The following RASGRF2 variants were observed in gnomAD, a reference collection of about 807,000 sequenced individuals.
RASGRF2 encodes the protein Ras protein specific guanine nucleotide releasing factor 2.
In RASGRF2, 76 loss-of-function variants were observed where a neutral mutation model predicts 151.0. That is an observed-to-expected ratio of 0.50 (90% CI 0.42 to 0.61). RASGRF2 has a LOEUF of 0.61. Among genes scored for constraint, RASGRF2 ranks in the 20% least tolerant of loss-of-function variants. RASGRF2 has a pLI of 0.00. For synonymous variants in RASGRF2, 504 were observed against 566.5 expected, an observed-to-expected ratio of 0.89 and a Z score of 1.57; for missense variants, 1,148 against 1,564.6, an observed-to-expected ratio of 0.73 and a Z score of 4.49.
chr5:81,151,639 A>G (rs6875604), intron 17 of RASGRF2, among the ~76,000 whole-genome samples: 2,637 of 152,206 alleles, frequency 0.017, 94 homozygotes, highest in African/African-American at 0.059. Flanking sequence ...GCTTTATTTC[A>G]CTGACTGTGG....
At chr5:81,056,642 G>A (rs1751223570) in intron 2 of RASGRF2, among the ~76,000 whole-genome samples, 1 of 152,166 alleles carries the variant, frequency 6.6e-6, no homozygotes, top group African/African-American at 2.4e-5. Flanking sequence ...TGTCTATTAG[G>A]TCTGCTTGGT....
intron 18 of RASGRF2, among the ~76,000 whole-genome samples, chr5:81,186,785 T>A (rs1395360079): frequency 6.6e-6 from 1 of 152,176 alleles, no homozygotes; most frequent in African/African-American, 2.4e-5. Flanking sequence ...TCCTCATGTG[T>A]CTTTGTAGCA....
chr5:81,011,260 G>T (rs1749449662), intron 1 of RASGRF2, among the ~76,000 whole-genome samples: 1 of 151,364 alleles, frequency 6.6e-6, no homozygotes. Flanking sequence ...TATTTATGTT[G>T]GTACATGTAG....
At chr5:81,005,999 A>C (rs1057060680) in intron 1 of RASGRF2, among the ~76,000 whole-genome samples, 1 of 152,234 alleles carries the variant, frequency 6.6e-6, no homozygotes, top group Non-Finnish European at 1.5e-5. Context: ...TTCCAAGTTC[A>C]AATGTTCCAA....
intron 1 of RASGRF2, among the ~76,000 whole-genome samples, chr5:80,966,917 A>G (rs1211210306): frequency 1.3e-5 from 2 of 152,224 alleles, no homozygotes; most frequent in Admixed American, 6.6e-5. Context: ...TAACTAATAT[A>G]CTACAGTGTT....
At chr5:81,070,318 C>T in intron 3 of RASGRF2, 174 bp from the exon 4 acceptor site, 2 of 573,530 alleles carry the variant, frequency 3.5e-6, no homozygotes, top group Non-Finnish European at 6.4e-6. Flanking sequence ...TGATACCATG[C>T]TTGGGGTAAA....
At chr5:81,024,410 C>T (rs1749943827) in intron 1 of RASGRF2, among the ~76,000 whole-genome samples, 1 of 151,688 alleles carries the variant, frequency 6.6e-6, no homozygotes, top group Non-Finnish European at 1.5e-5. Flanking sequence ...CAGCCACCCA[C>T]CACCACGCCA....
At chr5:81,081,677 C>T (rs1417185445) in intron 7 of RASGRF2, among the ~76,000 whole-genome samples, 2 of 152,192 alleles carry the variant, frequency 1.3e-5, no homozygotes, top group East Asian at 3.9e-4. Flanking sequence ...TCCTCCTGCG[C>T]AGGCATCTCT....
At chr5:81,043,023 G>T (rs1750726449) in intron 2 of RASGRF2, 40 bp downstream of exon 2, 1 of 1,485,180 alleles carries the variant, frequency 6.7e-7, no homozygotes, top group African/African-American at 1.4e-5. Context: ...TGATTGTCTG[G>T]GTCCTGCATT....
At chr5:81,119,284 A>T (rs1048609708) in intron 15 of RASGRF2, among the ~76,000 whole-genome samples, 1 of 152,250 alleles carries the variant, frequency 6.6e-6, no homozygotes. Context: ...ACAGAAATGT[A>T]TCTCTCACAG....
chr5:80,966,760 G>A (rs1297788213), intron 1 of RASGRF2, among the ~76,000 whole-genome samples: 1 of 152,048 alleles, frequency 6.6e-6, no homozygotes, highest in Non-Finnish European at 1.5e-5. Flanking sequence ...TTTTTTACTG[G>A]CACTTGAAAA....
chr5:81,143,383 G>T (rs1416422230), intron 17 of RASGRF2, among the ~76,000 whole-genome samples: 1 of 151,806 alleles, frequency 6.6e-6, no homozygotes, highest in African/African-American at 2.4e-5. Context: ...CCTGACCTCA[G>T]GTGATCCACC....
chr5:81,050,697 T>G (rs1750983141), intron 2 of RASGRF2, among the ~76,000 whole-genome samples: 1 of 152,174 alleles, frequency 6.6e-6, no homozygotes, highest in Admixed American at 6.5e-5. Flanking sequence ...CTGGTCCTCT[T>G]CCTCTACGAG....
chr5:81,102,514 A>G (rs1752724294), intron 12 of RASGRF2, among the ~76,000 whole-genome samples: 2 of 152,054 alleles, frequency 1.3e-5, no homozygotes, highest in Non-Finnish European at 2.9e-5. Flanking sequence ...GGCCAACATG[A>G]TGACACCCCA....
chr5:80,971,654 G>A (rs1027860856), intron 1 of RASGRF2, among the ~76,000 whole-genome samples: 3 of 150,666 alleles, frequency 2.0e-5, no homozygotes, highest in African/African-American at 2.4e-5. Context: ...CAGCCTTGAC[G>A]TCCTGGGCTC....
intron 1 of RASGRF2, among the ~76,000 whole-genome samples, chr5:80,980,980 G>A (rs1006564947): frequency 6.6e-6 from 1 of 152,096 alleles, no homozygotes; most frequent in African/African-American, 2.4e-5. Flanking sequence ...TAACATCATG[G>A]TAAAATCCAG....
At chr5:81,201,147 A>G (rs34783754) in intron 18 of RASGRF2, among the ~76,000 whole-genome samples, 183 bp from the exon 19 acceptor site, 22,164 of 152,086 alleles carry the variant, frequency 0.15, 1,688 homozygotes, top group Middle Eastern at 0.17. Context: ...AGAACTACCA[A>G]TAACAGACCA....
At chr5:81,156,672 C>T (rs114500492) in intron 17 of RASGRF2, among the ~76,000 whole-genome samples, 1,561 of 152,120 alleles carry the variant, frequency 0.01, 16 homozygotes, top group Non-Finnish European at 0.014. Flanking sequence ...AATGAAAATT[C>T]CTTAGTTTGA....
intron 16 of RASGRF2, among the ~76,000 whole-genome samples, chr5:81,124,980 C>T (rs905940470): frequency 2.0e-5 from 3 of 152,092 alleles, no homozygotes; most frequent in African/African-American, 7.2e-5. Flanking sequence ...CTCCACCTCC[C>T]AGGTTCAAGT....
Sources: gnomAD v4.1 joint callset for allele counts (sites outside exome capture counted in the v4.1 genomes callset) on GRCh38, gnomAD v4.1.1 for gene constraint, MANE v1.5 for transcripts, NCBI Gene and HGNC (gene_info 2026-07-23, HGNC 2026-07-21) for gene names.